Variants in DHRS7B observed in about 807,000 individuals in gnomAD.
The protein encoded by DHRS7B is peroxisomal reductase activating PPAR-gamma.
In DHRS7B, 24 loss-of-function variants were observed where a neutral mutation model predicts 26.4. The observed-to-expected ratio is 0.91, with a 90% CI of 0.66 to 1.28. DHRS7B has a LOEUF of 1.28. Among genes scored for constraint, DHRS7B ranks in the 50% most tolerant of loss-of-function variants. The pLI, the probability that DHRS7B is intolerant of heterozygous loss-of-function variation, is 0.00. For synonymous variants in DHRS7B, 142 were observed against 166.4 expected, an observed-to-expected ratio of 0.85 and a Z score of 1.13; for missense variants, 368 against 419.4, an observed-to-expected ratio of 0.88 and a Z score of 1.07.
chr17:21,143,960 G>A lies in DHRS7B; in HGVS notation c.20+16969G>A, dbSNP rs1362330842. 5.9e-5 allele frequency among the ~76,000 whole-genome samples: 9 copies of A among 152,358 alleles called. No individual in the cohort carries two copies. The East Asian group carries it at 7.7e-4, about 13-fold the overall frequency. ...TGCATGGCACAGGAAACAGAGAGAT[G>A]AATCAAGTGGCCTTTCTTAGGCCAC... On this transcript the variant is annotated intron_variant, in intron 1 of 6. Transcript: ENST00000395511.
At chr17:21,156,729 A>G (rs937820383) in intron 1 of DHRS7B, among the ~76,000 whole-genome samples, 1 of 151,964 alleles carries the variant, frequency 6.6e-6, no homozygotes, top group African/African-American at 2.4e-5. Flanking sequence ...CCTGGCCAAC[A>G]TGGTGAAACC....
chr17:21,188,767 G>C lies in DHRS7B; in HGVS notation c.676G>C (p.Glu226Gln). The change falls in exon 6 of 7, where the codon GAA becomes CAA. Residue 226 changes from glutamate to glutamine, a missense_variant. Glu to Gln is a conservative substitution (Grantham distance 29, BLOSUM62 2). Coordinates refer to ENST00000395511, the MANE Select transcript of DHRS7B (RefSeq NM_015510.5). Reference protein sequence around the residue: ...AFFDCLRAEMEQYEIEVTVIS... With the variant: ...AFFDCLRAEMQQYEIEVTVIS... ...CTTTGACTGTCTGCGTGCCGAGATG[G>C]AACAGTATGAAATTGAGGTGACCGT... The C allele has an allele frequency of 1.2e-6, 2 of 1,613,838 alleles. No individual in the cohort carries two copies. The highest frequency in any genetic ancestry group is 2.2e-5 in the South Asian group (2 of 90,944).
At chr17:21,150,097 T>C (rs563083675) in intron 1 of DHRS7B, among the ~76,000 whole-genome samples, 2 of 93,992 alleles carry the variant, frequency 2.1e-5, no homozygotes, top group South Asian at 4.2e-4. Flanking sequence ...CAAGGCTCCA[T>C]CTCTATTTAA....
intron 2 of DHRS7B, among the ~76,000 whole-genome samples, chr17:21,173,984 A>G (rs1287871267): frequency 6.6e-6 from 1 of 152,184 alleles, no homozygotes; most frequent in Non-Finnish European, 1.5e-5. Flanking sequence ...GGAGGTCACC[A>G]GACCTGTCTA....
At position 21,132,441 on chromosome 17, in the gene DHRS7B, G is replaced by A. The variant is rs973400368; in HGVS notation, c.20+5450G>A. ...AGCTACTCAGGAGACTGAGGTGGGA[G>A]GATCGCTTGAACCTGGGAGGTTGAG... On this transcript the variant is annotated intron_variant, in intron 1 of 6. Transcript: ENST00000395511. 6.0e-5 allele frequency among the ~76,000 whole-genome samples: 9 copies of A among 150,046 alleles called. No homozygotes were observed. In the South Asian group the frequency reaches 1.5e-3, roughly 25 times the overall value.
chr17:21,140,258 G>A (rs1043271429), intron 1 of DHRS7B, among the ~76,000 whole-genome samples: 1 of 151,802 alleles, frequency 6.6e-6, no homozygotes, highest in East Asian at 1.9e-4. Context: ...TCCTGACTTC[G>A]TGATCCACCC....
rs150218281 is a variant in DHRS7B at position 21,156,585 on chromosome 17, A to G, written c.21-15433A>G. Among the ~76,000 whole-genome samples the G allele has an allele frequency of 6.2e-3, 930 of 151,038 alleles. 5 individuals are homozygous for G. Among genetic ancestry groups the G allele is most frequent in the Non-Finnish European group, 0.011 (720 of 67,792 alleles). ...GCACCACTGCACTCTATCCTGGGTA[A>G]CAGAGTGAGACTCCATCTCAAAAAA... On this transcript the variant is annotated intron_variant, in intron 1 of 6. Coordinates refer to ENST00000395511, the MANE Select transcript of DHRS7B (RefSeq NM_015510.5).
At chr17:21,187,857 A>G (rs1597760498) in intron 5 of DHRS7B, among the ~76,000 whole-genome samples, 2 of 104,132 alleles carry the variant, frequency 1.9e-5, no homozygotes, top group South Asian at 6.1e-4. Context: ...TTATTTATTT[A>G]TTTATTTTTG....
At chr17:21,132,541 A>AC (rs1291637190) in intron 1 of DHRS7B, among the ~76,000 whole-genome samples, 23 of 146,676 alleles carry the variant, frequency 1.6e-4, no homozygotes, top group African/African-American at 2.9e-4. Context: ...AAAAAAAAAA[A>AC]AAAAAAAACA....
chr17:21,131,122 T>C (rs1973221369), intron 1 of DHRS7B, among the ~76,000 whole-genome samples: 1 of 152,222 alleles, frequency 6.6e-6, no homozygotes, highest in African/African-American at 2.4e-5. Flanking sequence ...GAGAGGGTTC[T>C]TGGATCTTGT....
At chr17:21,188,886 T>C (rs1974713396) in intron 6 of DHRS7B, 23 bp downstream of exon 6, 3 of 1,614,126 alleles carry the variant, frequency 1.9e-6, no homozygotes, top group Non-Finnish European at 2.5e-6. Context: ...TTCTCTTTTC[T>C]CCTATGAAAA....
chr17:21,188,230 C>A (rs1055589318), intron 5 of DHRS7B, among the ~76,000 whole-genome samples: 2 of 152,106 alleles, frequency 1.3e-5, no homozygotes, highest in Non-Finnish European at 2.9e-5. Context: ...CATGCAGATT[C>A]CCTGTTAACC....
At chr17:21,177,323 G>C (rs1386796046) in intron 2 of DHRS7B, among the ~76,000 whole-genome samples, 1 of 152,206 alleles carries the variant, frequency 6.6e-6, no homozygotes, top group Non-Finnish European at 1.5e-5. Flanking sequence ...CTTCATTCTT[G>C]AACTTCCCCA....
chr17:21,185,851 C>G (rs1348657760), intron 5 of DHRS7B, among the ~76,000 whole-genome samples: 1 of 125,782 alleles, frequency 8.0e-6, no homozygotes, highest in African/African-American at 2.5e-5. Context: ...GCACACCTGG[C>G]TAACTTTTGT....
intron 1 of DHRS7B, among the ~76,000 whole-genome samples, chr17:21,130,368 T>A (rs1973202467): frequency 6.6e-6 from 1 of 152,156 alleles, no homozygotes; most frequent in African/African-American, 2.4e-5. Context: ...CAGCCTGGGC[T>A]ACAGAGTGAG....
At position 21,188,872 on chromosome 17, in the gene DHRS7B, C is replaced by A. The variant is rs774363342; in HGVS notation, c.772+9C>A. The A allele has an allele frequency of 6.2e-7, 1 of 1,614,058 alleles. No homozygotes were observed. The highest frequency in any genetic ancestry group is 1.7e-5 in the Admixed American group (1 of 60,014). On this transcript the variant is annotated intron_variant, in intron 6 of 6. Transcript: ENST00000395511. Reference sequence around the variant, plus strand: ...TGGATCTAGGTATGGAGGTGAGGCCCGGTTTCTCTTTTCTCCTATGAAAAT... The same window carrying A: ...TGGATCTAGGTATGGAGGTGAGGCCAGGTTTCTCTTTTCTCCTATGAAAAT...
chr17:21,168,514 G>A (rs566448925), intron 1 of DHRS7B, among the ~76,000 whole-genome samples: 57 of 152,204 alleles, frequency 3.7e-4, no homozygotes, highest in African/African-American at 1.2e-3. Flanking sequence ...GACTACAGAC[G>A]TGCACTACCA....
At chr17:21,174,679 C>T (rs1392448385) in intron 2 of DHRS7B, among the ~76,000 whole-genome samples, 1 of 152,210 alleles carries the variant, frequency 6.6e-6, no homozygotes, top group Non-Finnish European at 1.5e-5. Flanking sequence ...TAGACTCCAG[C>T]GGGACTCCCA....
At chr17:21,174,233 A>G (rs73984301) in intron 2 of DHRS7B, among the ~76,000 whole-genome samples, 8,620 of 152,280 alleles carry the variant, frequency 0.057, 344 homozygotes, top group African/African-American at 0.12. Flanking sequence ...GCCACCCGGA[A>G]GGTTTGGAGT....
Sources: gnomAD v4.1 joint callset for allele counts (sites outside exome capture counted in the v4.1 genomes callset) on GRCh38, gnomAD v4.1.1 for gene constraint, MANE v1.5 for transcripts, NCBI Gene and HGNC (gene_info 2026-07-23, HGNC 2026-07-21) for gene names.